The following NREP variants were observed in gnomAD, a reference collection of about 807,000 sequenced individuals.
NREP encodes the protein neuronal regeneration-related protein.
Under a neutral mutation model 8.6 loss-of-function variants are expected in NREP, and 5 were observed. The ratio of observed to expected loss-of-function variants is 0.58; its 90% CI spans 0.30 to 1.22. NREP has a LOEUF of 1.22. NREP is among the 50% of genes most tolerant of loss of function. The pLI is 0.07. For synonymous variants in NREP, 27 were observed against 28.0 expected (o/e 0.96, Z 0.11); for missense variants, 86 against 82.5 (o/e 1.04, Z -0.17).
At chr5:111,770,554 CTTTTTTTTTTTTTTTTTTT>C (rs34538408) in intron 2 of NREP, among the ~76,000 whole-genome samples, 1 of 73,624 alleles carries the variant, frequency 1.4e-5, no homozygotes, top group Non-Finnish European at 2.7e-5. Context: ...GAATTATTTC[CTTTTTTTTTTTTTTTTTTT>C]TTTTTTTTTT....
At chr5:111,945,941 C>T (rs962890707) in intron 2 of NREP, among the ~76,000 whole-genome samples, 2 of 151,896 alleles carry the variant, frequency 1.3e-5, no homozygotes, top group Non-Finnish European at 2.9e-5. Flanking sequence ...ATCACTGTAA[C>T]CAAGGACAAG....
chr5:111,896,642 C>T (rs1003094228), intron 2 of NREP, among the ~76,000 whole-genome samples: 3 of 152,136 alleles, frequency 2.0e-5, no homozygotes, highest in South Asian at 4.1e-4. Context: ...ATATTTCATG[C>T]CCTACCTCTT....
chr5:111,808,304 G>T (rs568448575), intron 2 of NREP, among the ~76,000 whole-genome samples: 49 of 152,210 alleles, frequency 3.2e-4, no homozygotes, highest in Admixed American at 1.2e-3. Context: ...CTGGGGAGGG[G>T]GTGTCTATCT....
intron 2 of NREP, among the ~76,000 whole-genome samples, chr5:111,972,811 T>C (rs977953596): frequency 6.6e-6 from 1 of 152,250 alleles, no homozygotes; most frequent in African/African-American, 2.4e-5. Flanking sequence ...CCAGGTCAGA[T>C]GCTCATTGTG....
chr5:111,964,862 A>T (rs1037216067), intron 2 of NREP, among the ~76,000 whole-genome samples: 8 of 106,558 alleles, frequency 7.5e-5, no homozygotes, highest in Non-Finnish European at 1.0e-4. Context: ...CAGCAAAAAA[A>T]AAAAAAAAAA....
intron 2 of NREP, among the ~76,000 whole-genome samples, chr5:111,808,605 C>T (rs766198947): frequency 5.3e-5 from 8 of 152,184 alleles, no homozygotes; most frequent in Non-Finnish European, 1.0e-4. Flanking sequence ...AACTGAGCCT[C>T]TTACCCTTTT....
intron 2 of NREP, among the ~76,000 whole-genome samples, chr5:111,793,007 G>C (rs1404779523): frequency 1.3e-5 from 2 of 152,130 alleles, no homozygotes; most frequent in African/African-American, 2.4e-5. Context: ...ATGGGCCTTT[G>C]GAAGGAATAG....
chr5:111,974,858 G>C (rs1463647600), intron 2 of NREP, among the ~76,000 whole-genome samples: 1 of 152,224 alleles, frequency 6.6e-6, no homozygotes, highest in East Asian at 1.9e-4. Flanking sequence ...GCACTGCAGA[G>C]ACAGAAAGCT....
At chr5:111,753,698 G>T (rs1275699051) in intron 2 of NREP, among the ~76,000 whole-genome samples, 1 of 151,990 alleles carries the variant, frequency 6.6e-6, no homozygotes, top group Non-Finnish European at 1.5e-5. Context: ...ATTTTCTAGA[G>T]GTGTCCAGGA....
intron 2 of NREP, among the ~76,000 whole-genome samples, chr5:111,950,284 C>T (rs1236583054): frequency 1.3e-5 from 2 of 152,060 alleles, no homozygotes; most frequent in Admixed American, 1.3e-4. Flanking sequence ...CTGACAGAAA[C>T]AAGCAATGGG....
At chr5:111,832,321 C>T (rs1397122352) in intron 2 of NREP, among the ~76,000 whole-genome samples, 1 of 152,030 alleles carries the variant, frequency 6.6e-6, no homozygotes, top group Non-Finnish European at 1.5e-5. Context: ...AGTTAGGGAC[C>T]AGCCTGGACA....
At chr5:111,804,559 T>G (rs1752091266) in intron 2 of NREP, among the ~76,000 whole-genome samples, 1 of 152,110 alleles carries the variant, frequency 6.6e-6, no homozygotes, top group Non-Finnish European at 1.5e-5. Flanking sequence ...AACAATAAAA[T>G]TTTTCATGCA....
Position 111,891,379 on chromosome 5 carries a change from C to G in NREP, c.135+83895G>C, listed in dbSNP as rs62370260. ...GAGCATTTTAGTCACAATCATTTAACAGTCTCTAAAAAATTTCAAATGTTC... is the reference window on the plus strand; with the variant it reads ...GAGCATTTTAGTCACAATCATTTAAGAGTCTCTAAAAAATTTCAAATGTTC... On this transcript the variant is annotated intron_variant, in intron 2 of 3. Coordinates refer to the NREP transcript ENST00000395634. Among the ~76,000 whole-genome samples, 815 of 152,288 alleles carry G rather than the reference C, an allele frequency of 5.4e-3. 4 individuals carry two copies. The highest frequency in any genetic ancestry group is 8.6e-3 in the Non-Finnish European group (588 of 68,018).
chr5:111,785,958 G>GAA lies in NREP; in HGVS notation c.136-50453_136-50452dup, dbSNP rs748214215. 3.7e-4 allele frequency among the ~76,000 whole-genome samples: 56 copies of GAA among 152,250 alleles called. No individual in the cohort carries two copies. In the East Asian group the frequency reaches 0.01, roughly 28 times the overall value. On this transcript the variant is annotated intron_variant, in intron 2 of 3. Coordinates refer to the NREP transcript ENST00000395634. ...TGAAAACAAGAGCAGGATCTGGAAAGAAAAATGAAGAGAGGTCACTCTCTT... is the reference window on the plus strand; with the variant it reads ...TGAAAACAAGAGCAGGATCTGGAAAGAAAAAAATGAAGAGAGGTCACTCTCTT...
chr5:111,889,951 G>C (rs1754354457), intron 2 of NREP, among the ~76,000 whole-genome samples: 1 of 152,134 alleles, frequency 6.6e-6, no homozygotes, highest in African/African-American at 2.4e-5. Context: ...ATTTCACAAG[G>C]TCAATTGATC....
intron 2 of NREP, among the ~76,000 whole-genome samples, chr5:111,826,670 G>A (rs1246498015): frequency 6.6e-6 from 1 of 152,234 alleles, no homozygotes; most frequent in Non-Finnish European, 1.5e-5. Flanking sequence ...CAGTAGCTGG[G>A]ATTATAGGCA....
intron 2 of NREP, among the ~76,000 whole-genome samples, chr5:111,973,265 TA>T (rs5870480): frequency 0.94 from 141,877 of 151,724 alleles, 66,386 homozygotes; most frequent in Middle Eastern, 0.97. Flanking sequence ...TACCCCCTTT[TA>T]AAAAAAAAAT....
chr5:111,964,614 C>T (rs1390603188), intron 2 of NREP, among the ~76,000 whole-genome samples: 1 of 152,084 alleles, frequency 6.6e-6, no homozygotes, highest in Non-Finnish European at 1.5e-5. Context: ...AAGTGATCCA[C>T]CTGCCTCAGC....
intron 2 of NREP, among the ~76,000 whole-genome samples, chr5:111,920,331 T>C (rs1755202451): frequency 6.6e-6 from 1 of 152,160 alleles, no homozygotes; most frequent in African/African-American, 2.4e-5. Context: ...TTAGGATACA[T>C]GTGTAGAACC....
Sources: allele counts gnomAD v4.1 joint callset (sites outside exome capture counted in the v4.1 genomes callset), GRCh38; gene constraint gnomAD v4.1.1; transcripts MANE v1.5; gene names NCBI Gene and HGNC (gene_info 2026-07-23, HGNC 2026-07-21).